MSTO1: variants seen among roughly 807,000 people sequenced by gnomAD.
The protein encoded by MSTO1 is protein misato homolog 1.
MSTO1 carries 24 observed loss-of-function variants against 55.7 expected under a neutral mutation model. The observed-to-expected ratio is 0.43, with a 90% CI of 0.31 to 0.61. The LOEUF (loss-of-function observed/expected upper bound fraction) is 0.61, where lower values mean the gene tolerates loss of function less well. MSTO1 is among the 20% of genes least tolerant of loss of function. MSTO1 has a pLI of 0.09. For synonymous variants in MSTO1, 162 were observed against 252.8 expected (o/e 0.64, Z 3.41); for missense variants, 363 against 625.7 (o/e 0.58, Z 4.48).
the MSTO1 span, chr1:155,598,783 C>T: frequency 1.0e-6 from 1 of 972,622 alleles, no homozygotes; most frequent in Non-Finnish European, 1.6e-6. Context: ...CCTTTCTAGT[C>T]ACCTTGTAGT....
chr1:155,582,721 A>C, the MSTO1 span, among the ~76,000 whole-genome samples: 4 of 151,998 alleles, frequency 2.6e-5, no homozygotes, highest in African/African-American at 9.7e-5. Flanking sequence ...GGCCTCCCAA[A>C]GTGCTGGTAT....
the MSTO1 span, among the ~76,000 whole-genome samples, chr1:155,596,215 C>T: frequency 6.6e-6 from 1 of 152,158 alleles, no homozygotes; most frequent in African/African-American, 2.4e-5. Context: ...GTAGAATAAA[C>T]GAATCAAGCC....
At chr1:155,568,044 A>C in the MSTO1 span, among the ~76,000 whole-genome samples, 153 of 148,094 alleles carry the variant, frequency 1.0e-3, 3 homozygotes, top group South Asian at 0.023. Flanking sequence ...GTCTGAACAA[A>C]AAAAAAAATT....
At chr1:155,611,184 A>C in intron 3 of MSTO1, 32 bp from the exon 4 acceptor site, 2 of 1,566,700 alleles carry the variant, frequency 1.3e-6, no homozygotes, top group South Asian at 1.1e-5. Flanking sequence ...ATCAGAGTGC[A>C]GTTTCTTTGA....
At chr1:155,593,089 T>C in the MSTO1 span, among the ~76,000 whole-genome samples, 2 of 151,670 alleles carry the variant, frequency 1.3e-5, no homozygotes, top group Non-Finnish European at 2.9e-5. Context: ...TTTTTTTGTA[T>C]TTTTAGTAGA....
chr1:155,572,091 A>G, the MSTO1 span, among the ~76,000 whole-genome samples: 3,096 of 151,574 alleles, frequency 0.02, 103 homozygotes, highest in African/African-American at 0.072. Context: ...AACTTTTCCT[A>G]TGGGACTTGG....
At chr1:155,597,247 T>C in the MSTO1 span, among the ~76,000 whole-genome samples, 1 of 152,040 alleles carries the variant, frequency 6.6e-6, no homozygotes, top group African/African-American at 2.4e-5. Context: ...CGCAGGCGGA[T>C]CACCTGAGGT....
Position 155,612,139 on chromosome 1 carries a change from T to G in MSTO1, c.678+39T>G, listed in dbSNP as rs753637595. Reference sequence around the variant, plus strand: ...AATGTGCACTCCAGGGTGGAAGCTCTTCTCATCCTGCTAACTATCTTTTGT... The same window carrying G: ...AATGTGCACTCCAGGGTGGAAGCTCGTCTCATCCTGCTAACTATCTTTTGT... On this transcript the variant is annotated intron_variant, in intron 7 of 13. Transcript: ENST00000245564. 9.3e-6 allele frequency: 15 copies of G among 1,613,366 alleles called. No individual in the cohort carries two copies. In the East Asian group the frequency reaches 3.3e-4, roughly 36 times the overall value.
the MSTO1 span, among the ~76,000 whole-genome samples, chr1:155,578,336 CTTTTTTTTTTTTT>C: frequency 6.8e-5 from 3 of 44,294 alleles, no homozygotes; most frequent in African/African-American, 3.1e-4. Flanking sequence ...AACTACCTTT[CTTTTTTTTTTTTT>C]TTTTTTTTTT....
At chr1:155,601,996 C>T in the MSTO1 span, 264 of 421,774 alleles carry the variant, frequency 6.3e-4, 3 homozygotes, top group African/African-American at 5.0e-3. Context: ...CCTCGTGATC[C>T]GCCCACCTCA....
At chr1:155,607,245 G>A (rs540596022), upstream of MSTO1, among the ~76,000 whole-genome samples, 1 of 152,170 alleles carries the variant, frequency 6.6e-6, no homozygotes, top group East Asian at 1.9e-4. Flanking sequence ...CGCGATCTTG[G>A]CTCACTGCAA....
At chr1:155,593,303 T>C in the MSTO1 span, among the ~76,000 whole-genome samples, 1 of 152,212 alleles carries the variant, frequency 6.6e-6, no homozygotes, top group Admixed American at 6.6e-5. Context: ...TAAGTACTTA[T>C]AGTGTGTTAA....
chr1:155,577,160 C>A, the MSTO1 span, among the ~76,000 whole-genome samples: 1 of 150,338 alleles, frequency 6.7e-6, no homozygotes, highest in Non-Finnish European at 1.5e-5. Context: ...GCAATCTCAG[C>A]TCACTGCAAG....
the MSTO1 span, among the ~76,000 whole-genome samples, chr1:155,597,206 C>T: frequency 5.8e-4 from 89 of 152,158 alleles, no homozygotes; most frequent in East Asian, 0.016. Flanking sequence ...TGGTGGCTGA[C>T]GCCTGTAATT....
intron 9 of MSTO1, 117 bp downstream of exon 9, chr1:155,612,687 G>C: frequency 2.8e-6 from 4 of 1,414,532 alleles, no homozygotes; most frequent in Non-Finnish European, 2.9e-6. Context: ...ACTCAGCTGT[G>C]ATGTGGCCTC....
the MSTO1 span, among the ~76,000 whole-genome samples, chr1:155,574,138 G>A: frequency 1.3e-5 from 2 of 151,796 alleles, no homozygotes; most frequent in African/African-American, 2.4e-5. Flanking sequence ...CAGGCATATC[G>A]CTTGAGCCCA....
intron 13 of MSTO1, 44 bp from the exon 14 acceptor site, chr1:155,614,015 A>T: frequency 1.2e-6 from 2 of 1,606,570 alleles, no homozygotes; most frequent in South Asian, 2.2e-5. Context: ...CCCAGGGCAG[A>T]ATAATCATCC....
chr1:155,609,233 A>AT (rs1558249045), upstream of MSTO1, among the ~76,000 whole-genome samples: 4 of 47,758 alleles, frequency 8.4e-5, no homozygotes, highest in African/African-American at 1.9e-4. Flanking sequence ...ATATATATAT[A>AT]TATATATATA....
upstream of MSTO1, among the ~76,000 whole-genome samples, chr1:155,606,731 G>C (rs1435289052): frequency 1.3e-5 from 2 of 151,032 alleles, no homozygotes; most frequent in Non-Finnish European, 3.0e-5. Context: ...ATGTTACCCA[G>C]GCTTGTTTTG....
Sources: gnomAD v4.1 joint callset for allele counts (sites outside exome capture counted in the v4.1 genomes callset) on GRCh38, gnomAD v4.1.1 for gene constraint, MANE v1.5 for transcripts, NCBI Gene and HGNC (gene_info 2026-07-23, HGNC 2026-07-21) for gene names.